The following HMGA2 variants were observed in gnomAD, a reference collection of about 807,000 sequenced individuals.
The protein encoded by HMGA2 is high mobility group protein HMGI-C.
In HMGA2, 8 loss-of-function variants were observed where a neutral mutation model predicts 19.1. The ratio of observed to expected loss-of-function variants is 0.42; its 90% CI spans 0.25 to 0.76. The LOEUF is 0.76. Ranked by LOEUF, HMGA2 falls within the 30% of genes least tolerant of loss-of-function variation. HMGA2 has a pLI of 0.28. For synonymous variants in HMGA2, 60 were observed against 48.8 expected (o/e 1.23, Z -0.96); for missense variants, 109 against 136.3 (o/e 0.80, Z 1.00).
intron 3 of HMGA2, among the ~76,000 whole-genome samples, chr12:65,930,292 T>C (rs923925363): frequency 2.0e-5 from 3 of 152,176 alleles, no homozygotes; most frequent in African/African-American, 7.2e-5. Context: ...CCCTCACTCT[T>C]TGAGGCAGGT....
chr12:65,873,348 C>T (rs1336940255), intron 3 of HMGA2, among the ~76,000 whole-genome samples: 3 of 152,182 alleles, frequency 2.0e-5, no homozygotes, highest in Admixed American at 2.0e-4. Flanking sequence ...GCTTTCAGCA[C>T]CAAATACGGC....
chr12:65,860,844 T>C (rs749505668), intron 3 of HMGA2, among the ~76,000 whole-genome samples: 4 of 152,146 alleles, frequency 2.6e-5, no homozygotes, highest in Non-Finnish European at 5.9e-5. Context: ...TTCAATGAGA[T>C]TACAAAATAG....
chr12:65,922,363 G>A (rs1875347688), intron 3 of HMGA2, among the ~76,000 whole-genome samples: 1 of 152,214 alleles, frequency 6.6e-6, no homozygotes, highest in African/African-American at 2.4e-5. Flanking sequence ...TGACCTGGAT[G>A]TGAGACCTGG....
At chr12:65,844,401 T>G (rs1871149416) in intron 3 of HMGA2, among the ~76,000 whole-genome samples, 1 of 152,216 alleles carries the variant, frequency 6.6e-6, no homozygotes, top group Non-Finnish European at 1.5e-5. Context: ...TATTTTATGA[T>G]AAAAATAGAG....
At position 65,882,239 on chromosome 12, in the gene HMGA2, C is replaced by A. The variant is rs73327475; in HGVS notation, c.249+43670C>A. ...CTCCTGCCAGTTGGCCCCTGCCCAC[C>A]TTTTCTGTTCATACTGAAGCAGCCA... On this transcript the variant is annotated intron_variant, in intron 3 of 4. Transcript: ENST00000403681. 1.7e-3 allele frequency: 530 copies of A among 314,096 alleles called. 3 individuals carry two copies. The highest frequency in any genetic ancestry group is 0.011 in the African/African-American group (496 of 46,594). 19.5% of individuals were successfully genotyped at this position (314,096 alleles called of 1,614,324 possible).
intron 3 of HMGA2, among the ~76,000 whole-genome samples, chr12:65,869,067 C>T (rs1341688331): frequency 6.6e-6 from 1 of 152,150 alleles, no homozygotes; most frequent in Non-Finnish European, 1.5e-5. Flanking sequence ...GCAGAAACCC[C>T]TTTGCAAAAC....
chr12:65,932,834 G>C (rs1179232667), intron 3 of HMGA2, among the ~76,000 whole-genome samples: 1 of 152,176 alleles, frequency 6.6e-6, no homozygotes, highest in East Asian at 1.9e-4. Context: ...CAAAATTTGT[G>C]TTCAAGGCAA....
intron 3 of HMGA2, among the ~76,000 whole-genome samples, chr12:65,852,988 T>G (rs1221267579): frequency 6.6e-6 from 1 of 152,166 alleles, no homozygotes; most frequent in Admixed American, 6.5e-5. Flanking sequence ...AAGGAAACTT[T>G]GGGACATTGA....
In HMGA2 at chr12:65,828,022, C is replaced by G; in HGVS notation, c.133C>G (p.Pro45Ala). The change falls in exon 2 of 5, where the codon CCT (proline) becomes GCT (alanine). Residue 45 changes from proline (P) to alanine (A), a missense_variant. By Grantham distance (27) the Pro-to-Ala change is conservative. Coordinates refer to ENST00000403681, the MANE Select transcript of HMGA2 (RefSeq NM_003483.6). ...TTAGGAACCAACCGGTGAGCCCTCTCCTAAGAGACCCAGGGGAAGACCCAA... is the reference window on the plus strand; with the variant it reads ...TTAGGAACCAACCGGTGAGCCCTCTGCTAAGAGACCCAGGGGAAGACCCAA... Reference protein sequence around the residue: ...QQQEPTGEPSPKRPRGRPKGS... With the variant: ...QQQEPTGEPSAKRPRGRPKGS... 1 of 1,613,660 alleles carries G rather than the reference C, an allele frequency of 6.2e-7. No individual in the cohort carries two copies. The highest frequency in any genetic ancestry group is 8.5e-7 in the Non-Finnish European group (1 of 1,179,656).
At chr12:65,904,060 A>G (rs1315139274) in intron 3 of HMGA2, among the ~76,000 whole-genome samples, 1 of 152,278 alleles carries the variant, frequency 6.6e-6, no homozygotes, top group East Asian at 1.9e-4. Flanking sequence ...TAATGATAAT[A>G]TCTTGAATTT....
intron 3 of HMGA2, among the ~76,000 whole-genome samples, chr12:65,916,934 G>A (rs574565323): frequency 6.6e-6 from 1 of 152,326 alleles, no homozygotes; most frequent in African/African-American, 2.4e-5. Context: ...TTTGGGTGGA[G>A]AGAGAATAAA....
rs1175317314 is a variant in HMGA2, at chr12:65,824,737, C to CTCTG, written c.-531_-530insGTCT. 1.5e-5 allele frequency: 3 copies of CTCTG among 203,846 alleles called. No individual in the cohort carries two copies. The highest frequency in any genetic ancestry group is 6.8e-5 in the African/African-American group (2 of 29,482). 12.6% of individuals were successfully genotyped at this position (203,846 alleles called of 1,614,324 possible). A position where few individuals can be genotyped will look rare whatever the true frequency, so the allele number is the denominator to read the frequency against. ...CTTCTCTCTCTCTCTCTCTCTCTCT[C>CTCTG]TCTCTCTCTCTCTCTCTCTCTCTCT... On this transcript the variant is annotated 5_prime_UTR_variant, in exon 1 of 5. Coordinates refer to ENST00000403681, the MANE Select transcript of HMGA2 (RefSeq NM_003483.6).
chr12:65,936,766 C>T (rs1170099575), intron 3 of HMGA2, among the ~76,000 whole-genome samples: 1 of 152,174 alleles, frequency 6.6e-6, no homozygotes, highest in Non-Finnish European at 1.5e-5. Flanking sequence ...ATCACCCCAG[C>T]AACCCAATGA....
chr12:65,935,175 C>G (rs1304703564), intron 3 of HMGA2: 1 of 152,194 alleles, frequency 6.6e-6, no homozygotes, highest in African/African-American at 2.4e-5. Context: ...AACATTCAAG[C>G]TCTTCCATAT....
At chr12:65,937,285 A>T (rs547034428) in intron 3 of HMGA2, among the ~76,000 whole-genome samples, 32 of 152,142 alleles carry the variant, frequency 2.1e-4, no homozygotes, top group Admixed American at 7.9e-4. Context: ...ATCTCATTTC[A>T]ATAGACAACT....
chr12:65,941,505 A>G (rs1022171188), intron 3 of HMGA2, among the ~76,000 whole-genome samples: 1 of 152,210 alleles, frequency 6.6e-6, no homozygotes, highest in Non-Finnish European at 1.5e-5. Context: ...AGTCAGCCCT[A>G]AACTAGTGCC....
At chr12:65,904,368 A>G (rs11175954) in intron 3 of HMGA2, among the ~76,000 whole-genome samples, 2,376 of 152,322 alleles carry the variant, frequency 0.016, 51 homozygotes, top group African/African-American at 0.054. Flanking sequence ...GAAGCACTAC[A>G]CAATTATCAG....
At chr12:65,845,117 G>T (rs1258829244) in intron 3 of HMGA2, among the ~76,000 whole-genome samples, 4 of 152,014 alleles carry the variant, frequency 2.6e-5, no homozygotes, top group Non-Finnish European at 4.4e-5. Context: ...TTTCTAAAAG[G>T]TTGGAAATCC....
rs1313269988 is a variant in HMGA2 at position 65,900,363 on chromosome 12, G to A, written c.250-51020G>A. ...TACTATTCCAAGGAGCTTGTTTTTA[G>A]TTTTACTTCTCCCCTGGACTCCTTT... On this transcript the variant is annotated intron_variant, in intron 3 of 4. Coordinates refer to ENST00000403681, the MANE Select transcript of HMGA2 (RefSeq NM_003483.6). Among the ~76,000 whole-genome samples, 5 of 152,214 alleles carry A rather than the reference G, an allele frequency of 3.3e-5. No individual in the cohort carries two copies. In the South Asian group the frequency reaches 6.2e-4, roughly 19 times the overall value.
Sources: gnomAD v4.1 joint callset for allele counts (sites outside exome capture counted in the v4.1 genomes callset) on GRCh38, gnomAD v4.1.1 for gene constraint, MANE v1.5 for transcripts, NCBI Gene and HGNC (gene_info 2026-07-23, HGNC 2026-07-21) for gene names.